Variants in RGL1 observed in about 807,000 individuals in gnomAD.
RGL1 encodes ral guanine nucleotide dissociation stimulator like 1.
In RGL1, 24 loss-of-function variants were observed where a neutral mutation model predicts 95.2. The ratio of observed to expected loss-of-function variants is 0.25; its 90% CI spans 0.18 to 0.35. The LOEUF is 0.35. RGL1 is among the 10% of genes least tolerant of loss of function. The pLI is 1.00. For synonymous variants in RGL1, 329 were observed against 344.9 expected (o/e 0.95, Z 0.51); for missense variants, 715 against 936.3 (o/e 0.76, Z 3.08).
intron 16 of RGL1, among the ~76,000 whole-genome samples, chr1:183,920,302 G>C (rs191610685): frequency 2.0e-5 from 3 of 152,210 alleles, no homozygotes; most frequent in African/African-American, 7.2e-5. Flanking sequence ...CCCAAAGTTG[G>C]TGGGATTACA....
chr1:183,903,589 A>G (rs188335983), intron 12 of RGL1, among the ~76,000 whole-genome samples: 204 of 152,310 alleles, frequency 1.3e-3, no homozygotes, highest in African/African-American at 4.4e-3. Context: ...CAGCAGAGAA[A>G]GAACAGAGCT....
At chr1:183,776,248 A>T (rs1350140562) in intron 2 of RGL1, among the ~76,000 whole-genome samples, 2 of 143,926 alleles carry the variant, frequency 1.4e-5, no homozygotes, top group African/African-American at 5.2e-5. Context: ...TCCCGGGTTC[A>T]CGCCATTCTC....
At chr1:183,741,589 A>G (rs1051044926) in intron 1 of RGL1, among the ~76,000 whole-genome samples, 9 of 152,244 alleles carry the variant, frequency 5.9e-5, no homozygotes, top group Admixed American at 3.9e-4. Context: ...CATATTGTTA[A>G]TACTTGTTTA....
At chr1:183,858,713 G>C (rs1306621617) in intron 3 of RGL1, among the ~76,000 whole-genome samples, 1 of 151,914 alleles carries the variant, frequency 6.6e-6, no homozygotes. Flanking sequence ...TGTGAACTTA[G>C]CCCTTGATAA....
intron 4 of RGL1, among the ~76,000 whole-genome samples, chr1:183,874,823 TG>T (rs1471310666): frequency 6.6e-6 from 1 of 152,198 alleles, no homozygotes; most frequent in Non-Finnish European, 1.5e-5. Flanking sequence ...ATCATCTAGC[TG>T]GAGGTCTCAG....
At chr1:183,653,485 T>G (rs1360772835) in intron 1 of RGL1, among the ~76,000 whole-genome samples, 1 of 152,246 alleles carries the variant, frequency 6.6e-6, no homozygotes, top group Non-Finnish European at 1.5e-5. Flanking sequence ...GAGAACATGT[T>G]GCAGTTTTTC....
At chr1:183,680,248 T>C (rs1187525007) in intron 1 of RGL1, among the ~76,000 whole-genome samples, 2 of 152,326 alleles carry the variant, frequency 1.3e-5, no homozygotes, top group East Asian at 3.9e-4. Flanking sequence ...ATTTTGGTTT[T>C]TGTTGCCATT....
At chr1:183,892,248 T>C in intron 9 of RGL1, 87 bp downstream of exon 9, 1 of 924,904 alleles carries the variant, frequency 1.1e-6, no homozygotes, top group Non-Finnish European at 1.6e-6. Flanking sequence ...CTCCTTAAGT[T>C]CCTTCAACTC....
intron 1 of RGL1, among the ~76,000 whole-genome samples, chr1:183,672,701 C>T (rs1361386414): frequency 6.6e-6 from 1 of 152,170 alleles, no homozygotes; most frequent in Non-Finnish European, 1.5e-5. Flanking sequence ...TTCTTATAGA[C>T]TATAACAAAC....
intron 1 of RGL1, among the ~76,000 whole-genome samples, chr1:183,650,829 A>G (rs2101998445): frequency 6.6e-6 from 1 of 151,908 alleles, no homozygotes; most frequent in East Asian, 1.9e-4. Flanking sequence ...GTTTATCCCA[A>G]TTTGAGAAGG....
intron 1 of RGL1, among the ~76,000 whole-genome samples, chr1:183,708,951 A>C (rs1655093155): frequency 6.6e-6 from 1 of 152,184 alleles, no homozygotes; most frequent in African/African-American, 2.4e-5. Flanking sequence ...CGCGCCAATG[A>C]ACACCACAAG....
intron 4 of RGL1, 34 bp from the exon 5 acceptor site, chr1:183,880,582 T>C (rs532346418): frequency 1.9e-6 from 3 of 1,604,918 alleles, no homozygotes; most frequent in Non-Finnish European, 1.7e-6. Context: ...CCACAGCCAG[T>C]TGGGTGCAGT....
intron 1 of RGL1, among the ~76,000 whole-genome samples, chr1:183,659,180 A>G (rs1290053129): frequency 6.6e-6 from 1 of 152,194 alleles, no homozygotes; most frequent in Non-Finnish European, 1.5e-5. Flanking sequence ...ACAGCTCCTC[A>G]CCGGCAATGG....
intron 1 of RGL1, among the ~76,000 whole-genome samples, chr1:183,649,489 G>A (rs1650560530): frequency 6.6e-6 from 1 of 152,134 alleles, no homozygotes; most frequent in Non-Finnish European, 1.5e-5. Flanking sequence ...ATAATTTGGA[G>A]GTTTTTGGGT....
At chr1:183,833,000 C>T (rs1412613959) in intron 2 of RGL1, among the ~76,000 whole-genome samples, 1 of 152,130 alleles carries the variant, frequency 6.6e-6, no homozygotes, top group Non-Finnish European at 1.5e-5. Context: ...ACTCTGTAGG[C>T]TAATCATAAT....
chr1:183,867,555 G>A (rs1490502160), intron 4 of RGL1, among the ~76,000 whole-genome samples: 2 of 152,122 alleles, frequency 1.3e-5, no homozygotes, highest in Admixed American at 6.5e-5. Context: ...GATGAAGTGG[G>A]GACAGTGAGT....
intron 2 of RGL1, among the ~76,000 whole-genome samples, chr1:183,830,362 C>T (rs1274427183): frequency 1.3e-5 from 2 of 152,198 alleles, no homozygotes; most frequent in Non-Finnish European, 2.9e-5. Context: ...TTTTGCATGA[C>T]ATCTTTCATG....
chr1:183,812,595 A>G (rs549447837), intron 2 of RGL1, among the ~76,000 whole-genome samples: 1 of 152,350 alleles, frequency 6.6e-6, no homozygotes, highest in South Asian at 2.1e-4. Flanking sequence ...ACAAAGTTGA[A>G]TTAATTACAA....
At chr1:183,746,380 A>G (rs544529864) in intron 2 of RGL1, among the ~76,000 whole-genome samples, 6 of 152,158 alleles carry the variant, frequency 3.9e-5, no homozygotes, top group African/African-American at 1.4e-4. Flanking sequence ...AAACACATAT[A>G]TATTTATATG....
Sources: gnomAD v4.1 joint callset for allele counts (sites outside exome capture counted in the v4.1 genomes callset) on GRCh38, gnomAD v4.1.1 for gene constraint, MANE v1.5 for transcripts, NCBI Gene and HGNC (gene_info 2026-07-23, HGNC 2026-07-21) for gene names.